Variants in LAMC2 observed in about 807,000 individuals in gnomAD.
LAMC2 encodes the protein laminin subunit gamma 2, also known as laminin subunit gamma-2.
LAMC2 carries 97 observed loss-of-function variants against 140.2 expected under a neutral mutation model. The observed-to-expected ratio is 0.69, with a 90% CI of 0.59 to 0.82. The LOEUF is 0.82. Among genes scored for constraint, LAMC2 ranks in the 40% least tolerant of loss-of-function variants. The pLI is 0.00. For missense variants in LAMC2, 1,402 were observed against 1,476.1 expected (o/e 0.95, Z 0.82); for synonymous variants, 513 against 540.2 (o/e 0.95, Z 0.70).
intron 17 of LAMC2, among the ~76,000 whole-genome samples, chr1:183,237,145 C>G (rs1463586248): frequency 6.6e-6 from 1 of 152,136 alleles, no homozygotes; most frequent in East Asian, 1.9e-4. Context: ...GAGACAAAGC[C>G]TGTTTGACAT....
At chr1:183,210,999 A>G (rs1659050883) in intron 2 of LAMC2, among the ~76,000 whole-genome samples, 1 of 152,248 alleles carries the variant, frequency 6.6e-6, no homozygotes, top group Non-Finnish European at 1.5e-5. Context: ...TGACAGGGAA[A>G]TCTGTTGTAT....
intron 1 of LAMC2, among the ~76,000 whole-genome samples, chr1:183,198,674 AC>A (rs1658603149): frequency 1.3e-5 from 2 of 152,120 alleles, no homozygotes; most frequent in South Asian, 4.1e-4. Flanking sequence ...CAAGTACACT[AC>A]CTATCAAGGC....
At chr1:183,241,267 A>T (rs887245258) in intron 22 of LAMC2, 532 of 982,592 alleles carry the variant, frequency 5.4e-4, no homozygotes, top group Non-Finnish European at 6.1e-4. Flanking sequence ...AAAAAGGAAA[A>T]ATAAAAAAGA....
intron 19 of LAMC2, among the ~76,000 whole-genome samples, chr1:183,238,892 GA>G (rs1327540683): frequency 2.0e-5 from 3 of 152,160 alleles, no homozygotes; most frequent in African/African-American, 7.2e-5. Context: ...TAGATCCCAG[GA>G]GATTTAGATT....
rs778012079 is a variant in LAMC2 at position 183,232,330 on chromosome 1, CCAGATTT to C, written c.2006_2012del (p.Ile669LysfsTer14). The C allele has an allele frequency of 5.0e-6, 8 of 1,613,782 alleles. No individual in the cohort carries two copies. Among genetic ancestry groups the C allele is most frequent in the Non-Finnish European group, 4.2e-6 (5 of 1,180,004 alleles). Reference sequence around the variant, plus strand: ...CCCTTCAGGACATTCTGAGAGATGCCCAGATTTCAGAAGGTGATGAAGGCCAACTTCC... The same window carrying C: ...CCCTTCAGGACATTCTGAGAGATGCCCAGAAGGTGATGAAGGCCAACTTCC... On this transcript the variant is annotated frameshift_variant, in exon 13 of 23. Transcript: ENST00000264144. LOFTEE classifies it high-confidence loss of function.
intron 19 of LAMC2, 103 bp downstream of exon 19, chr1:183,238,524 G>A: frequency 1.3e-6 from 1 of 744,138 alleles, no homozygotes; most frequent in South Asian, 1.5e-5. Context: ...GGTATATTGG[G>A]ATATTAATAG....
chr1:183,193,277 T>G (rs370912372), intron 1 of LAMC2, among the ~76,000 whole-genome samples: 1 of 152,260 alleles, frequency 6.6e-6, no homozygotes, highest in East Asian at 1.9e-4. Flanking sequence ...CAGGTTATCA[T>G]GCAGCTTGGA....
intron 2 of LAMC2, 138 bp downstream of exon 2, chr1:183,208,207 A>C: frequency 2.4e-6 from 2 of 845,686 alleles, no homozygotes; most frequent in Non-Finnish European, 3.9e-6. Context: ...GCAGGCCAAG[A>C]GGGAGATGTT....
the LAMC2 span, among the ~76,000 whole-genome samples, chr1:183,257,370 C>T: frequency 8.6e-5 from 13 of 151,872 alleles, no homozygotes; most frequent in African/African-American, 2.7e-4. Flanking sequence ...GAACCCGGGA[C>T]GCGGAGGTTG....
chr1:183,192,175 G>A (rs687988), intron 1 of LAMC2, among the ~76,000 whole-genome samples: 1 of 152,064 alleles, frequency 6.6e-6, no homozygotes, highest in East Asian at 1.9e-4. Context: ...TTTCCCTTCT[G>A]TTGTATCAGG....
the LAMC2 span, among the ~76,000 whole-genome samples, chr1:183,255,851 A>G: frequency 1.7e-3 from 258 of 152,028 alleles, no homozygotes; most frequent in Middle Eastern, 0.01. Flanking sequence ...TCTGTTAGAG[A>G]CAGGGTTTCA....
At position 183,208,108 on chromosome 1, in the gene LAMC2, G is replaced by A. The variant is rs61809149; in HGVS notation, c.268+39G>A. The A allele has an allele frequency of 0.028, 43,271 of 1,534,250 alleles. 737 individuals are homozygous for A. Among genetic ancestry groups the A allele is most frequent in the Non-Finnish European group, 0.031 (34,663 of 1,107,828 alleles). On this transcript the variant is annotated intron_variant, in intron 2 of 22. Coordinates refer to ENST00000264144, the MANE Select transcript of LAMC2 (RefSeq NM_005562.3). ...ACGGAAAGAGGGAGAGGGAGATGGA[G>A]CAGTGGGGAGACAAGAGGGAAGGAA...
rs896199708 is a variant in LAMC2 at position 183,228,292 on chromosome 1, G to T, written c.1469-82G>T. 1.3e-5 allele frequency: 20 copies of T among 1,577,388 alleles called. No individual in the cohort carries two copies. The African/African-American group carries it at 1.9e-4, about 15-fold the overall frequency. ...CACATTTCTCTGGCTCTTCTAGAGG[G>T]TGACTCGCAACTTTAGGCCTCTGCG... On this transcript the variant is annotated intron_variant, in intron 10 of 22. Coordinates refer to ENST00000264144, the MANE Select transcript of LAMC2 (RefSeq NM_005562.3). This position sits in a 1 kb window ranked among gnomAD's most constrained non-coding sequence, Gnocchi z 4.3.
Position 183,243,481 on chromosome 1 carries a change from G to A in LAMC2, c.*81G>A. 6.4e-7 allele frequency: 1 copy of A among 1,556,682 alleles called. No homozygotes were observed. Among genetic ancestry groups the A allele is most frequent in the Non-Finnish European group, 8.9e-7 (1 of 1,128,906 alleles). On this transcript the variant is annotated 3_prime_UTR_variant, in exon 23 of 23. Transcript: ENST00000264144. Reference sequence around the variant, plus strand: ...GGAGCCATGTCATGTGAGTGGGTGGGATGGGGACATTTGAACATGTTTAAT... The same window carrying A: ...GGAGCCATGTCATGTGAGTGGGTGGAATGGGGACATTTGAACATGTTTAAT...
chr1:183,232,208 C>T lies in LAMC2; in HGVS notation c.1879C>T (p.Leu627Phe). ...KIQMDQFMQQ[L>F]QRMEALISKA... Reference sequence around the variant, plus strand: ...TCAGATGGATCAGTTTATGCAGCAGCTTCAGAGAATGGAGGCCCTGATTTC... The same window carrying T: ...TCAGATGGATCAGTTTATGCAGCAGTTTCAGAGAATGGAGGCCCTGATTTC... The change falls in exon 13 of 23, where the codon CTT becomes TTT. Residue 627 changes from leucine to phenylalanine, a missense_variant. By Grantham distance (22) the Leu-to-Phe change is conservative (BLOSUM62 0). Around this residue, in one of 3 missense-constraint regions of LAMC2, gnomAD observed 9 missense variants for 25.6 expected, o/e 0.35. Transcript: ENST00000264144. 1 of 1,613,928 alleles carries T rather than the reference C, an allele frequency of 6.2e-7. No homozygotes were observed. Among genetic ancestry groups the T allele is most frequent in the Non-Finnish European group, 8.5e-7 (1 of 1,180,014 alleles).
intron 4 of LAMC2, 130 bp from the exon 5 acceptor site, chr1:183,220,695 G>C: frequency 1.1e-6 from 1 of 924,298 alleles, no homozygotes; most frequent in Non-Finnish European, 1.7e-6. Flanking sequence ...GCAAAATCTG[G>C]TATTTCCCTC....
chr1:183,200,596 G>A (rs536647912), intron 1 of LAMC2, among the ~76,000 whole-genome samples: 1 of 152,178 alleles, frequency 6.6e-6, no homozygotes, highest in South Asian at 2.1e-4. Flanking sequence ...AATATTTTCT[G>A]TTTCCTTTTA....
intron 6 of LAMC2, 99 bp downstream of exon 6, chr1:183,222,310 G>C: frequency 1.5e-6 from 2 of 1,353,976 alleles, no homozygotes; most frequent in South Asian, 2.4e-5. Flanking sequence ...ATATAACTTT[G>C]GGTTCAGGGT....
the LAMC2 span, chr1:183,251,855 TTGCTGC>T: frequency 6.1e-5 from 10 of 163,176 alleles, no homozygotes; most frequent in East Asian, 1.9e-4. Flanking sequence ...TGATCAAAGG[TTGCTGC>T]TGCTGCTGCT....
Sources: allele counts gnomAD v4.1 joint callset (sites outside exome capture counted in the v4.1 genomes callset), GRCh38; gene constraint gnomAD v4.1.1; regional missense constraint gnomAD v4.1.1; non-coding constraint Gnocchi (gnomAD v3.1); transcripts MANE v1.5; gene names NCBI Gene and HGNC (gene_info 2026-07-23, HGNC 2026-07-21).